The following PTPN22 variants were observed in gnomAD, a reference collection of about 807,000 sequenced individuals.
PTPN22 encodes tyrosine-protein phosphatase non-receptor type 22.
PTPN22 carries 85 observed loss-of-function variants against 103.3 expected under a neutral mutation model. The observed-to-expected ratio is 0.82, with a 90% CI of 0.69 to 0.99. PTPN22 has a LOEUF of 0.99. Ranked by LOEUF, PTPN22 falls within the 50% of genes least tolerant of loss-of-function variation. The probability of loss-of-function intolerance (pLI) is 0.00; values close to 1 mark genes in which losing one functional copy is unlikely to be tolerated. For synonymous variants in PTPN22, 323 were observed against 310.2 expected (o/e 1.04, Z -0.43); for missense variants, 865 against 936.9 (o/e 0.92, Z 1.00).
intron 4 of PTPN22, 180 bp from the exon 5 acceptor site, chr1:113,857,956 G>T: frequency 2.0e-6 from 1 of 491,764 alleles, no homozygotes. Context: ...CCTTCATTCT[G>T]ACAATACTTC....
intron 20 of PTPN22, among the ~76,000 whole-genome samples, chr1:113,815,784 T>C (rs1661100947): frequency 6.6e-6 from 1 of 152,210 alleles, no homozygotes. Context: ...GTTCAAGCGA[T>C]TCTCCTGCCT....
intron 1 of PTPN22, among the ~76,000 whole-genome samples, chr1:113,866,453 G>T (rs1043786831): frequency 1.3e-5 from 2 of 152,106 alleles, no homozygotes; most frequent in Admixed American, 6.6e-5. Flanking sequence ...GGTGGTTGCA[G>T]TGAGCCGAGA....
In PTPN22 at chr1:113,841,219, C is replaced by T. The variant is rs569909345; in HGVS notation, c.916-2599G>A. ...ACCCTGGGCAGCAAGAACGAAACTC[C>T]ATCTCAAAGGAAAAAAAAAAAGAGA... On this transcript the variant is annotated intron_variant, in intron 11 of 20. Transcript: ENST00000359785. 2.6e-5 allele frequency among the ~76,000 whole-genome samples: 4 copies of T among 151,152 alleles called. No homozygotes were observed. The South Asian group carries it at 8.3e-4, about 32-fold the overall frequency.
At position 113,838,420 on chromosome 1, in the gene PTPN22, GA is replaced by G. The variant is rs761461583; in HGVS notation, c.993-14del. ...TGCTTTTGTGGTACTAAAACAAAAA[GA>G]AAGCGTAATGATGACACCATACCCC... is the stretch of plus-strand genomic sequence containing the variant. On this transcript the variant is annotated splice_polypyrimidine_tract_variant and intron_variant, in intron 12 of 20. Coordinates refer to ENST00000359785, the Ensembl canonical transcript of PTPN22. 7 of 1,581,174 alleles carry G rather than the reference GA, an allele frequency of 4.4e-6. No individual in the cohort carries two copies.
intron 16 of PTPN22, among the ~76,000 whole-genome samples, chr1:113,831,021 T>C (rs1485625604): frequency 1.3e-5 from 2 of 152,188 alleles, no homozygotes; most frequent in Non-Finnish European, 2.9e-5. Flanking sequence ...ACAGTAGGCA[T>C]TTAATAAATA....
chr1:113,819,697 G>T, intron 19 of PTPN22, 43 bp from the exon 20 acceptor site: 1 of 1,310,390 alleles, frequency 7.6e-7, no homozygotes, highest in South Asian at 1.3e-5. Flanking sequence ...ACTAAAGACA[G>T]ACTCAGATGA....
intron 20 of PTPN22, among the ~76,000 whole-genome samples, chr1:113,818,489 G>A (rs917738693): frequency 3.9e-5 from 6 of 152,106 alleles, no homozygotes; most frequent in Non-Finnish European, 8.8e-5. Flanking sequence ...AAACCTCAGA[G>A]TTAATGAAAT....
chr1:113,854,767 A>G, intron 8 of PTPN22, 140 bp downstream of exon 8: 2 of 1,202,096 alleles, frequency 1.7e-6, no homozygotes, highest in Admixed American at 2.6e-5. Flanking sequence ...ACTTATCAGA[A>G]AAACATGAAT....
At chr1:113,863,225 T>C (rs1665774675) in intron 1 of PTPN22, among the ~76,000 whole-genome samples, 1 of 152,132 alleles carries the variant, frequency 6.6e-6, no homozygotes, top group Admixed American at 6.5e-5. Flanking sequence ...CCTGAGTAGC[T>C]GGGATTACAG....
chr1:113,849,596 T>TTA (rs1056560495), intron 10 of PTPN22, among the ~76,000 whole-genome samples: 1 of 110,784 alleles, frequency 9.0e-6, no homozygotes, highest in Non-Finnish European at 2.2e-5. Context: ...ATTTATTTAT[T>TTA]TTTTTTTTTG....
At chr1:113,840,123 C>G (rs1226663258) in intron 11 of PTPN22, among the ~76,000 whole-genome samples, 2 of 151,046 alleles carry the variant, frequency 1.3e-5, no homozygotes, top group Non-Finnish European at 2.9e-5. Context: ...AAGCAGGAGA[C>G]TTGCTTGAGC....
intron 1 of PTPN22, among the ~76,000 whole-genome samples, chr1:113,865,098 G>C (rs1666012514): frequency 6.6e-6 from 1 of 152,136 alleles, no homozygotes; most frequent in Non-Finnish European, 1.5e-5. Flanking sequence ...ATTTTAAAAG[G>C]TTCTTTGGGA....
chr1:113,846,992 A>ATTTTTTT (rs778146828), intron 11 of PTPN22, among the ~76,000 whole-genome samples: 4 of 76,114 alleles, frequency 5.3e-5, no homozygotes, highest in Admixed American at 1.5e-4. Context: ...CCAATGCTAG[A>ATTTTTTT]TTTTTTTTTT....
chr1:113,826,086 C>T (rs1662034830), intron 18 of PTPN22, among the ~76,000 whole-genome samples: 1 of 151,972 alleles, frequency 6.6e-6, no homozygotes, highest in Admixed American at 6.5e-5. Context: ...TGGCTCATGC[C>T]TGTAATTCCA....
At chr1:113,860,104 C>A (rs1383266676) in intron 1 of PTPN22, among the ~76,000 whole-genome samples, 1 of 151,806 alleles carries the variant, frequency 6.6e-6, no homozygotes, top group Non-Finnish European at 1.5e-5. Flanking sequence ...CTCAGCCTTA[C>A]CTCCTGAAAG....
At position 113,840,854 on chromosome 1, in the gene PTPN22, G is replaced by C. The variant is rs1241725177; in HGVS notation, c.916-2234C>G. ...TGGGCAATTGATTTTTGACAAAAGTGCCAAGAAAATTCAATGGAGAAAGGA... is the reference window on the plus strand; with the variant it reads ...TGGGCAATTGATTTTTGACAAAAGTCCCAAGAAAATTCAATGGAGAAAGGA... On this transcript the variant is annotated intron_variant, in intron 11 of 20. Transcript: ENST00000359785. 2.0e-5 allele frequency among the ~76,000 whole-genome samples: 3 copies of C among 152,204 alleles called. No homozygotes were observed. In the East Asian group the frequency reaches 5.8e-4, roughly 29 times the overall value.
chr1:113,858,616 C>A (rs754488626), intron 3 of PTPN22, 43 bp from the exon 4 acceptor site: 3 of 1,220,066 alleles, frequency 2.5e-6, no homozygotes, highest in Middle Eastern at 2.7e-4. Flanking sequence ...ACAAATAATA[C>A]CCTGTTCTCA....
At chr1:113,820,251 C>T (rs950098780) in intron 19 of PTPN22, among the ~76,000 whole-genome samples, 6 of 151,844 alleles carry the variant, frequency 4.0e-5, no homozygotes, top group African/African-American at 1.2e-4. Context: ...GCCAGGAGTA[C>T]GAGACCAGCC....
intron 11 of PTPN22, among the ~76,000 whole-genome samples, chr1:113,845,693 T>C (rs938964766): frequency 3.3e-5 from 5 of 152,238 alleles, no homozygotes; most frequent in African/African-American, 1.2e-4. Flanking sequence ...GCTGGTTTTC[T>C]GTCTAGTTCT....
Sources: gnomAD v4.1 joint callset for allele counts (sites outside exome capture counted in the v4.1 genomes callset) on GRCh38, gnomAD v4.1.1 for gene constraint, MANE v1.5 for transcripts, NCBI Gene and HGNC (gene_info 2026-07-23, HGNC 2026-07-21) for gene names.